Variants in AOPEP observed in about 807,000 individuals in gnomAD.
AOPEP encodes aminopeptidase O (putative).
AOPEP carries 77 observed loss-of-function variants against 98.1 expected under a neutral mutation model. The ratio of observed to expected loss-of-function variants is 0.78; its 90% CI spans 0.65 to 0.95. The LOEUF (loss-of-function observed/expected upper bound fraction) is 0.95, where lower values mean the gene tolerates loss of function less well. Ranked by LOEUF, AOPEP falls within the 40% of genes least tolerant of loss-of-function variation. AOPEP has a pLI of 0.00. For synonymous variants in AOPEP, 346 were observed against 365.3 expected, an observed-to-expected ratio of 0.95 and a Z score of 0.60; for missense variants, 1,024 against 1,024.7, an observed-to-expected ratio of 1.00 and a Z score of 0.01.
intron 1 of AOPEP, among the ~76,000 whole-genome samples, chr9:94,733,466 A>G (rs1001197108): frequency 6.6e-6 from 1 of 152,186 alleles, no homozygotes; most frequent in Non-Finnish European, 1.5e-5. Flanking sequence ...GGCAAATTGT[A>G]ATGTTATGTA....
chr9:95,015,420 G>A (rs998598669), intron 13 of AOPEP, among the ~76,000 whole-genome samples: 1 of 152,126 alleles, frequency 6.6e-6, no homozygotes, highest in Non-Finnish European at 1.5e-5. Flanking sequence ...ATTATTCTGT[G>A]CATAACACAT....
chr9:94,743,834 T>C lies in AOPEP; in HGVS notation c.-135-15815T>C, dbSNP rs990610999. Among the ~76,000 whole-genome samples the C allele has an allele frequency of 2.0e-5, 3 of 152,148 alleles. No homozygotes were observed. In the East Asian group the frequency reaches 5.8e-4, roughly 29 times the overall value. On this transcript the variant is annotated intron_variant, in intron 1 of 16. Coordinates refer to ENST00000375315, the MANE Select transcript of AOPEP (RefSeq NM_001193329.3). ...TGGGAATCTGCAAATCTCAGTTGAC[T>C]CAAACAGGGAAAAATGCAAGCTGGC... is the stretch of plus-strand genomic sequence containing the variant.
At chr9:94,851,103 C>T (rs1055837492) in intron 5 of AOPEP, among the ~76,000 whole-genome samples, 2 of 152,198 alleles carry the variant, frequency 1.3e-5, no homozygotes, top group African/African-American at 4.8e-5. Context: ...CTTGGAGGTG[C>T]CCATCCCTGT....
chr9:95,129,779 T>TC, the AOPEP span, among the ~76,000 whole-genome samples: 4 of 151,872 alleles, frequency 2.6e-5, no homozygotes, highest in Admixed American at 2.6e-4. Context: ...CCTCCTTATC[T>TC]CCCCCCTCAG....
intron 11 of AOPEP, among the ~76,000 whole-genome samples, chr9:94,992,972 G>C (rs890786181): frequency 1.3e-5 from 2 of 152,148 alleles, no homozygotes; most frequent in African/African-American, 4.8e-5. Flanking sequence ...TGGGAACCCT[G>C]TTTCTTCATT....
At chr9:94,756,848 C>T (rs1837174759) in intron 1 of AOPEP, among the ~76,000 whole-genome samples, 1 of 152,026 alleles carries the variant, frequency 6.6e-6, no homozygotes, top group Non-Finnish European at 1.5e-5. Context: ...GGAGGCTACC[C>T]CCCGTTCTGG....
At chr9:95,036,540 G>T (rs2064834659) in intron 13 of AOPEP, among the ~76,000 whole-genome samples, 1 of 152,030 alleles carries the variant, frequency 6.6e-6, no homozygotes, top group South Asian at 2.1e-4. Context: ...TCAAATATCT[G>T]CCATAAAGTA....
At chr9:95,047,425 TTTTA>T (rs1337525441) in intron 13 of AOPEP, among the ~76,000 whole-genome samples, 2 of 152,214 alleles carry the variant, frequency 1.3e-5, no homozygotes, top group African/African-American at 4.8e-5. Context: ...GTTTTTGATG[TTTTA>T]TTTTTCTAAG....
intron 14 of AOPEP, among the ~76,000 whole-genome samples, chr9:95,078,086 C>T (rs2134183057): frequency 6.6e-6 from 1 of 152,216 alleles, no homozygotes; most frequent in South Asian, 2.1e-4. Flanking sequence ...TTGGTCTGTC[C>T]TTCCTGGATG....
At chr9:95,123,581 A>G in the AOPEP span, 1 of 577,570 alleles carries the variant, frequency 1.7e-6, no homozygotes, top group South Asian at 1.4e-5. Context: ...CGTGCAGCCT[A>G]TTTGCGACAC....
chr9:95,041,848 A>G (rs577752203), intron 13 of AOPEP, among the ~76,000 whole-genome samples: 47 of 152,218 alleles, frequency 3.1e-4, no homozygotes, highest in Middle Eastern at 6.8e-3. Context: ...TAGACCTCCT[A>G]TCTAGCCGCC....
chr9:95,097,513 T>C, the AOPEP span, among the ~76,000 whole-genome samples: 1 of 152,238 alleles, frequency 6.6e-6, no homozygotes, highest in Non-Finnish European at 1.5e-5. Flanking sequence ...CCGGAAGGGC[T>C]GGGCAGCACG....
rs2070750650 is a variant in AOPEP, at chr9:95,086,753, C to T, written c.*76C>T. The T allele has an allele frequency of 3.0e-6, 3 of 988,122 alleles. No homozygotes were observed. The highest frequency in any genetic ancestry group is 3.6e-6 in the Non-Finnish European group (3 of 830,214). 61.2% of individuals were successfully genotyped at this position (988,122 alleles called of 1,614,324 possible). ...GGACCAGGCTCGAACTGACCCTGGA[C>T]ATCAAAGGAGGGATTATGTGGCTGC... is the stretch of plus-strand genomic sequence containing the variant. On this transcript the variant is annotated 3_prime_UTR_variant, in exon 17 of 17. Transcript: ENST00000375315.
chr9:95,071,939 G>A (rs61588047), intron 14 of AOPEP, among the ~76,000 whole-genome samples: 2 of 152,192 alleles, frequency 1.3e-5, no homozygotes, highest in African/African-American at 4.8e-5. Flanking sequence ...AGGGTGTCAG[G>A]ACTAGCATTA....
the AOPEP span, among the ~76,000 whole-genome samples, chr9:95,143,069 C>T: frequency 1.3e-5 from 2 of 152,194 alleles, no homozygotes; most frequent in Non-Finnish European, 2.9e-5. Context: ...TCAGAGGTTC[C>T]AATGATCCTC....
chr9:94,826,507 G>T (rs1477685514), intron 5 of AOPEP, among the ~76,000 whole-genome samples: 1 of 152,180 alleles, frequency 6.6e-6, no homozygotes, highest in Non-Finnish European at 1.5e-5. Flanking sequence ...TCTTCAGCTC[G>T]GTGGCATTTG....
intron 7 of AOPEP, among the ~76,000 whole-genome samples, chr9:94,944,578 A>T (rs2057407522): frequency 6.6e-6 from 1 of 152,130 alleles, no homozygotes; most frequent in African/African-American, 2.4e-5. Flanking sequence ...TTATTTTTTT[A>T]TTTTGAGACA....
chr9:94,921,234 AG>A (rs1471260790), intron 5 of AOPEP: 1 of 152,268 alleles, frequency 6.6e-6, no homozygotes, highest in Non-Finnish European at 1.5e-5. Flanking sequence ...TTTTCCAGTG[AG>A]GCTTGTCAGG....
chr9:94,888,766 C>T (rs1363516108), intron 5 of AOPEP, among the ~76,000 whole-genome samples: 1 of 152,154 alleles, frequency 6.6e-6, no homozygotes, highest in African/African-American at 2.4e-5. Flanking sequence ...TTCTCTTGGA[C>T]ATGAGTAAAG....
Sources: allele counts gnomAD v4.1 joint callset (sites outside exome capture counted in the v4.1 genomes callset), GRCh38; gene constraint gnomAD v4.1.1; transcripts MANE v1.5; gene names NCBI Gene and HGNC (gene_info 2026-07-23, HGNC 2026-07-21).